The following LAMC2 variants were observed in gnomAD, a reference collection of about 807,000 sequenced individuals.
LAMC2 encodes laminin subunit gamma 2, also known as laminin subunit gamma-2.
Under a neutral mutation model 140.2 loss-of-function variants are expected in LAMC2, and 97 were observed. That is an observed-to-expected ratio of 0.69 (90% CI 0.59 to 0.82). LAMC2 has a LOEUF of 0.82. LAMC2 is among the 40% of genes least tolerant of loss of function. The probability of loss-of-function intolerance (pLI) is 0.00; values close to 1 mark genes in which losing one functional copy is unlikely to be tolerated. For synonymous variants in LAMC2, 513 were observed against 540.2 expected, an observed-to-expected ratio of 0.95 and a Z score of 0.70; for missense variants, 1,402 against 1,476.1, an observed-to-expected ratio of 0.95 and a Z score of 0.82.
At chr1:183,210,727 T>C (rs768549847) in intron 2 of LAMC2, among the ~76,000 whole-genome samples, 2 of 152,280 alleles carry the variant, frequency 1.3e-5, no homozygotes, top group Non-Finnish European at 2.9e-5. Flanking sequence ...TCATAGATGA[T>C]GTCCTTCTTA....
Position 183,243,302 on chromosome 1 carries a change from A to G in LAMC2, c.3484A>G (p.Ser1162Gly). Reference protein sequence around the residue: ...QRGHLHLLETSIDGILADVKN... With the variant: ...QRGHLHLLETGIDGILADVKN... ...GGGCCACCTCCATTTGCTGGAGACAAGCATAGATGGGATTCTGGCTGATGT... is the reference window on the plus strand; with the variant it reads ...GGGCCACCTCCATTTGCTGGAGACAGGCATAGATGGGATTCTGGCTGATGT... Residue 1162 changes from serine (S) to glycine (G), a missense_variant, in exon 23 of 23, where the codon AGC becomes GGC. Around this residue, in one of 3 missense-constraint regions of LAMC2, gnomAD observed 670 missense variants for 667.2 expected, o/e 1.00. Coordinates refer to ENST00000264144, the MANE Select transcript of LAMC2 (RefSeq NM_005562.3). 1.2e-6 allele frequency: 2 copies of G among 1,614,208 alleles called. No homozygotes were observed. The highest frequency in any genetic ancestry group is 1.7e-6 in the Non-Finnish European group (2 of 1,180,042).
At chr1:183,251,972 G>C in the LAMC2 span, 2 of 155,296 alleles carry the variant, frequency 1.3e-5, no homozygotes, top group African/African-American at 4.8e-5. Flanking sequence ...TGAAGAAGTG[G>C]AGGTTGCTTG....
intron 1 of LAMC2, among the ~76,000 whole-genome samples, chr1:183,191,618 G>A (rs1280450492): frequency 3.9e-5 from 6 of 152,040 alleles, no homozygotes; most frequent in African/African-American, 1.4e-4. Context: ...AGCACTTTGG[G>A]AGGCCGAGGC....
intron 17 of LAMC2, 59 bp from the exon 18 acceptor site, chr1:183,237,293 A>T (rs1201179114): frequency 3.8e-6 from 6 of 1,592,764 alleles, no homozygotes; most frequent in Non-Finnish European, 4.3e-6. Context: ...GGTCCTAACA[A>T]GGCTGGTGTG....
At chr1:183,233,636 T>C (rs2102241477) in intron 14 of LAMC2, among the ~76,000 whole-genome samples, 1 of 152,312 alleles carries the variant, frequency 6.6e-6, no homozygotes, top group Non-Finnish European at 1.5e-5. Flanking sequence ...AAATTCTCTA[T>C]GATCCCATTA....
At chr1:183,186,580 C>CA (rs2102155170) in intron 1 of LAMC2, 149 bp downstream of exon 1, 1 of 763,632 alleles carries the variant, frequency 1.3e-6, no homozygotes, top group East Asian at 2.7e-5. Flanking sequence ...TCTGGGGCTC[C>CA]TCCAGAGACG....
rs1659497264 is a variant in LAMC2, at chr1:183,222,206, C to T, written c.758C>T (p.Ala253Val). Residue 253 changes from alanine to valine, a missense_variant, in exon 6 of 23, where the codon GCT (alanine) becomes GTT (valine). Physicochemically the swap from Ala to Val is moderately conservative, Grantham distance 64 (BLOSUM62 0). Around this residue, in one of 3 missense-constraint regions of LAMC2, gnomAD observed 723 missense variants for 783.3 expected, o/e 0.92. Coordinates refer to ENST00000264144, the MANE Select transcript of LAMC2 (RefSeq NM_005562.3). The part of the protein sequence containing the change: ...AQRLDPVYFV[A>V]PAKFLGNQQV... Reference sequence around the variant, plus strand: ...CGACTAGACCCTGTCTATTTTGTGGCTCCTGGTATGTGAGGAATAATGTCT... The same window carrying T: ...CGACTAGACCCTGTCTATTTTGTGGTTCCTGGTATGTGAGGAATAATGTCT... 6.2e-7 allele frequency: 1 copy of T among 1,613,940 alleles called. No individual in the cohort carries two copies. Among genetic ancestry groups the T allele is most frequent in the East Asian group, 2.2e-5 (1 of 44,898 alleles).
chr1:183,210,623 T>C (rs1248274014), intron 2 of LAMC2, among the ~76,000 whole-genome samples: 1 of 152,256 alleles, frequency 6.6e-6, no homozygotes, highest in Non-Finnish European at 1.5e-5. Flanking sequence ...CATTTTTCAA[T>C]GCCCAAAAGC....
Position 183,243,950 on chromosome 1 carries a change from C to T in LAMC2, c.*550C>T, listed in dbSNP as rs1660190858. On this transcript the variant is annotated 3_prime_UTR_variant, in exon 23 of 23. Transcript: ENST00000264144. Reference sequence around the variant, plus strand: ...TTACAACCCAGGGTGTGAACATGTTCTCCATTTTCAAGCTGGAAGAAGTGA... The same window carrying T: ...TTACAACCCAGGGTGTGAACATGTTTTCCATTTTCAAGCTGGAAGAAGTGA... The T allele has an allele frequency of 5.8e-6, 1 of 173,130 alleles. No individual in the cohort carries two copies. Among genetic ancestry groups the T allele is most frequent in the African/African-American group, 2.4e-5 (1 of 41,770 alleles). 10.7% of individuals were successfully genotyped at this position (173,130 alleles called of 1,614,324 possible).
In LAMC2 at chr1:183,218,416, C is replaced by G; in HGVS notation, c.431C>G (p.Ala144Gly). ...GACTCCAAGTGTGACTGTGACCCAG[C>G]TGGCATCGCAGGGCCCTGTGACGCG... ...LLDSKCDCDP[A>G]GIAGPCDAGR... The change falls in exon 4 of 23, where the codon GCT becomes GGT. Residue 144 changes from alanine (A) to glycine (G), a missense_variant. Transcript: ENST00000264144. The G allele has an allele frequency of 6.2e-7, 1 of 1,614,184 alleles. No individual in the cohort carries two copies. The highest frequency in any genetic ancestry group is 8.5e-7 in the Non-Finnish European group (1 of 1,180,004).
At chr1:183,216,563 C>A (rs2102211997) in intron 3 of LAMC2, among the ~76,000 whole-genome samples, 1 of 152,240 alleles carries the variant, frequency 6.6e-6, no homozygotes, top group Middle Eastern at 3.4e-3. Context: ...CTTCAAAGAG[C>A]CAAGTGCATG....
chr1:183,238,178 G>T (rs1660021855), intron 18 of LAMC2, 129 bp from the exon 19 acceptor site: 2 of 714,724 alleles, frequency 2.8e-6, no homozygotes. Flanking sequence ...TTGTAGAGGG[G>T]TTTGCTACAG....
At chr1:183,219,100 CTG>C (rs1298965834) in intron 4 of LAMC2, among the ~76,000 whole-genome samples, 1 of 152,228 alleles carries the variant, frequency 6.6e-6, no homozygotes, top group African/African-American at 2.4e-5. Flanking sequence ...TTAAGTACAA[CTG>C]TGCTCTGGCT....
At chr1:183,205,146 A>G (rs1307285239) in intron 1 of LAMC2, among the ~76,000 whole-genome samples, 2 of 152,208 alleles carry the variant, frequency 1.3e-5, no homozygotes, top group African/African-American at 4.8e-5. Flanking sequence ...AGAAAGGCAC[A>G]ATGAAAAATT....
intron 3 of LAMC2, among the ~76,000 whole-genome samples, chr1:183,215,819 T>C (rs1334460048): frequency 6.6e-6 from 1 of 152,186 alleles, no homozygotes; most frequent in East Asian, 1.9e-4. Context: ...AGTTGCCTGA[T>C]GTTACCGGTG....
chr1:183,186,980 G>A (rs1658174762), intron 1 of LAMC2, among the ~76,000 whole-genome samples: 1 of 152,094 alleles, frequency 6.6e-6, no homozygotes, highest in Non-Finnish European at 1.5e-5. Flanking sequence ...GCACTTACTG[G>A]GCACCTGTGT....
chr1:183,189,035 G>A (rs1015661011), intron 1 of LAMC2, among the ~76,000 whole-genome samples: 3 of 152,152 alleles, frequency 2.0e-5, no homozygotes, highest in African/African-American at 7.2e-5. Context: ...AGTGGAGCTA[G>A]GGAAGCCAGA....
rs569291602 is a variant in LAMC2 at position 183,207,948 on chromosome 1, T to A, written c.147T>A (p.Asn49Lys). 6.2e-7 allele frequency: 1 copy of A among 1,612,966 alleles called. No homozygotes were observed. The highest frequency in any genetic ancestry group is 1.3e-5 in the African/African-American group (1 of 74,484). Residue 49 changes from asparagine to lysine, a missense_variant, in exon 2 of 23, where the codon AAT becomes AAA. This residue lies in a region of LAMC2 where 723 missense variants were observed against 783.3 expected (regional missense o/e 0.92). Transcript: ENST00000264144. ...GGGAACTTCACAGACAAACTGGTAA[T>A]GGATTCCGCTGCCTCAACTGCAATG... ...FDRELHRQTG[N>K]GFRCLNCNDN...
At chr1:183,189,878 C>T (rs765183433) in intron 1 of LAMC2, among the ~76,000 whole-genome samples, 2 of 152,094 alleles carry the variant, frequency 1.3e-5, no homozygotes, top group Non-Finnish European at 2.9e-5. Context: ...TCCAGAACGG[C>T]GAATTCAGAA....
Sources: gnomAD v4.1 joint callset for allele counts (sites outside exome capture counted in the v4.1 genomes callset) on GRCh38, gnomAD v4.1.1 for gene constraint, gnomAD v4.1.1 regional missense constraint, MANE v1.5 for transcripts, NCBI Gene and HGNC (gene_info 2026-07-23, HGNC 2026-07-21) for gene names.